JAKMIP2: variants seen among roughly 807,000 people sequenced by gnomAD.
The protein encoded by JAKMIP2 is janus kinase and microtubule interacting protein 2.
JAKMIP2 carries 25 observed loss-of-function variants against 115.0 expected under a neutral mutation model. That is an observed-to-expected ratio of 0.22 (90% CI 0.16 to 0.30). The LOEUF is 0.30. JAKMIP2 is among the 10% of genes least tolerant of loss of function. The pLI, the probability that JAKMIP2 is intolerant of heterozygous loss-of-function variation, is 1.00. For synonymous variants in JAKMIP2, 334 were observed against 343.6 expected (o/e 0.97, Z 0.31); for missense variants, 642 against 957.6 (o/e 0.67, Z 4.35).
chr5:147,634,020 T>C (rs1757492376), intron 12 of JAKMIP2, among the ~76,000 whole-genome samples: 1 of 152,114 alleles, frequency 6.6e-6, no homozygotes, highest in Non-Finnish European at 1.5e-5. Flanking sequence ...GATCAGAAAA[T>C]CTTTATGAAG....
chr5:147,615,635 G>C (rs992706836), intron 19 of JAKMIP2, among the ~76,000 whole-genome samples: 1 of 152,082 alleles, frequency 6.6e-6, no homozygotes, highest in Non-Finnish European at 1.5e-5. Flanking sequence ...AAAGGGGAGA[G>C]CTAGAACTAG....
intron 12 of JAKMIP2, among the ~76,000 whole-genome samples, chr5:147,635,265 A>G (rs759012830): frequency 1.3e-5 from 2 of 152,198 alleles, no homozygotes. Context: ...AAAATGTGTT[A>G]TGTTTAATTG....
chr5:147,721,538 G>A (rs1248387109), intron 1 of JAKMIP2, among the ~76,000 whole-genome samples: 11 of 151,920 alleles, frequency 7.2e-5, no homozygotes, highest in South Asian at 2.1e-4. Context: ...CAGGTGCGGG[G>A]TATAATCTCG....
At chr5:147,764,988 GAGGGA>G (rs1755097100) in intron 1 of JAKMIP2, among the ~76,000 whole-genome samples, 1 of 108,178 alleles carries the variant, frequency 9.2e-6, no homozygotes. Flanking sequence ...GAGAGAGAGA[GAGGGA>G]GAGAGAGAGA....
intron 1 of JAKMIP2, among the ~76,000 whole-genome samples, chr5:147,757,727 A>G (rs1455717302): frequency 6.6e-6 from 1 of 152,152 alleles, no homozygotes; most frequent in Non-Finnish European, 1.5e-5. Context: ...GTAAGAATTT[A>G]ACACATATTA....
At chr5:147,652,401 G>A (rs1034686234) in intron 3 of JAKMIP2, among the ~76,000 whole-genome samples, 1 of 152,158 alleles carries the variant, frequency 6.6e-6, no homozygotes, top group Non-Finnish European at 1.5e-5. Context: ...TTATTGCGTA[G>A]CAGTTATGAG....
intron 6 of JAKMIP2, 97 bp from the exon 7 acceptor site, chr5:147,644,295 G>A (rs1365148885): frequency 8.3e-7 from 1 of 1,206,926 alleles, no homozygotes; most frequent in African/African-American, 1.5e-5. Context: ...TGAGGCTCCA[G>A]CTAAATTTGG....
chr5:147,620,621 A>G (rs200405699), intron 18 of JAKMIP2, 45 bp downstream of exon 18: 2 of 1,346,042 alleles, frequency 1.5e-6, no homozygotes, highest in East Asian at 4.6e-5. Context: ...TCCACAGTGC[A>G]TAACTGTAAA....
chr5:147,687,818 C>A (rs1304055160), intron 1 of JAKMIP2, among the ~76,000 whole-genome samples: 1 of 152,180 alleles, frequency 6.6e-6, no homozygotes, highest in Non-Finnish European at 1.5e-5. Context: ...GTATTTACCA[C>A]TGTACATGTA....
At chr5:147,645,035 G>A in intron 5 of JAKMIP2, 39 bp from the exon 6 acceptor site, 1 of 1,604,156 alleles carries the variant, frequency 6.2e-7, no homozygotes, top group Non-Finnish European at 8.5e-7. Context: ...CTTGCGTTTG[G>A]GGGACGTGGG....
In JAKMIP2 at chr5:147,591,701, A is replaced by T; in HGVS notation, c.*21-15T>A. The T allele has an allele frequency of 6.6e-7, 1 of 1,510,242 alleles. No homozygotes were observed. The highest frequency in any genetic ancestry group is 9.1e-7 in the Non-Finnish European group (1 of 1,099,984). The allele number at this position is 1,510,242 out of a possible 1,614,324, so 93.6% of individuals were successfully genotyped here. A position where few individuals can be genotyped will look rare whatever the true frequency, so the allele number is the denominator to read the frequency against. ...TTTCGGTTACTCTGCAAAACAGAGG[A>T]AAAAAATTATTTATATATCAATTTT... On this transcript the variant is annotated splice_polypyrimidine_tract_variant and intron_variant, in intron 21 of 21. Coordinates refer to ENST00000616793, the MANE Select transcript of JAKMIP2 (RefSeq NM_001270941.2).
intron 3 of JAKMIP2, among the ~76,000 whole-genome samples, chr5:147,657,976 T>C (rs1758763273): frequency 6.6e-6 from 1 of 152,104 alleles, no homozygotes; most frequent in Non-Finnish European, 1.5e-5. Context: ...AGGTGTTTGT[T>C]ATTTACTGAC....
rs571726544 is a variant in JAKMIP2, at chr5:147,613,347, T to C, written c.2347-976A>G. 3.3e-5 allele frequency among the ~76,000 whole-genome samples: 5 copies of C among 152,142 alleles called. No homozygotes were observed. The East Asian group carries it at 7.7e-4, about 24-fold the overall frequency. On this transcript the variant is annotated intron_variant, in intron 19 of 21. Transcript: ENST00000616793. ...AAACACTAGAAGCCAAATGGGATGA[T>C]AATATAGAAAGAGAGGTTTTTATAA... is the stretch of plus-strand genomic sequence containing the variant.
intron 1 of JAKMIP2, among the ~76,000 whole-genome samples, chr5:147,680,402 T>C (rs1760197053): frequency 6.6e-6 from 1 of 152,202 alleles, no homozygotes; most frequent in African/African-American, 2.4e-5. Context: ...TGCCCCAAGC[T>C]ATAAGCTGAA....
chr5:147,644,582 T>C (rs1037312226), intron 6 of JAKMIP2, among the ~76,000 whole-genome samples: 1 of 152,186 alleles, frequency 6.6e-6, no homozygotes, highest in Non-Finnish European at 1.5e-5. Flanking sequence ...GTGGCTAAGT[T>C]ATGTCAAAGC....
intron 1 of JAKMIP2, among the ~76,000 whole-genome samples, chr5:147,689,503 G>A (rs556904997): frequency 2.3e-4 from 35 of 152,310 alleles, no homozygotes; most frequent in Non-Finnish European, 2.1e-4. Context: ...AAGCAAGGGA[G>A]GTGGTGATAG....
chr5:147,766,505 G>A (rs983988794), intron 1 of JAKMIP2, among the ~76,000 whole-genome samples: 8 of 152,050 alleles, frequency 5.3e-5, no homozygotes, highest in African/African-American at 1.7e-4. Context: ...TCCCAAATTT[G>A]TGCCTTTCCA....
At chr5:147,648,525 G>A (rs1206742383) in intron 4 of JAKMIP2, 51 bp from the exon 5 acceptor site, 3 of 1,003,796 alleles carry the variant, frequency 3.0e-6, no homozygotes, top group Admixed American at 3.4e-5. Flanking sequence ...TTTTCACAAA[G>A]TTTGGGAATA....
intron 21 of JAKMIP2, 125 bp downstream of exon 21, chr5:147,601,601 TCAAAACAAAACAAAA>T (rs111740872): frequency 0.95 from 417,634 of 439,636 alleles, 199,304 homozygotes; most frequent in Middle Eastern, 0.98. Flanking sequence ...AGACTCTGTC[TCAAAACAAAACAAAA>T]CAAAACAAAA....
Sources: gnomAD v4.1 joint callset for allele counts (sites outside exome capture counted in the v4.1 genomes callset) on GRCh38, gnomAD v4.1.1 for gene constraint, MANE v1.5 for transcripts, NCBI Gene and HGNC (gene_info 2026-07-23, HGNC 2026-07-21) for gene names.